Variants in LIPI observed in about 807,000 individuals in gnomAD.
LIPI encodes the protein lipase member I.
Under a neutral mutation model 50.6 loss-of-function variants are expected in LIPI, and 59 were observed. The ratio of observed to expected loss-of-function variants is 1.16; its 90% CI spans 0.94 to 1.45. The LOEUF (loss-of-function observed/expected upper bound fraction) is 1.45. Ranked by LOEUF, LIPI falls within the 40% of genes most tolerant of loss-of-function variation. The probability of loss-of-function intolerance (pLI) is 0.00; values close to 1 mark genes in which losing one functional copy is unlikely to be tolerated. For missense variants in LIPI, 586 were observed against 536.3 expected (o/e 1.09, Z -0.92); for synonymous variants, 203 against 178.2 (o/e 1.14, Z -1.11).
At chr21:14,196,302 G>C (rs373568846) in intron 1 of LIPI, among the ~76,000 whole-genome samples, 1 of 151,956 alleles carries the variant, frequency 6.6e-6, no homozygotes, top group East Asian at 1.9e-4. Flanking sequence ...CTGAGCAAAA[G>C]ACTCCAGAAA....
intron 5 of LIPI, 46 bp downstream of exon 5, chr21:14,166,316 T>A (rs760768701): frequency 1.9e-6 from 2 of 1,053,012 alleles, no homozygotes; most frequent in East Asian, 4.7e-5. Flanking sequence ...TTTTCTTTCA[T>A]CATTTCGAAT....
intron 9 of LIPI, among the ~76,000 whole-genome samples, chr21:14,125,847 G>A (rs529876389): frequency 7.9e-5 from 12 of 152,160 alleles, no homozygotes; most frequent in South Asian, 6.2e-4. Context: ...GAGCCACCGC[G>A]CCAGGCCAAG....
At chr21:14,200,177 C>T (rs904542426) in intron 1 of LIPI, among the ~76,000 whole-genome samples, 1 of 152,034 alleles carries the variant, frequency 6.6e-6, no homozygotes, top group African/African-American at 2.4e-5. Flanking sequence ...AAAGCATTCC[C>T]CTTGAAAACC....
intron 9 of LIPI, among the ~76,000 whole-genome samples, chr21:14,122,677 T>C (rs909750222): frequency 1.3e-5 from 2 of 151,898 alleles, no homozygotes; most frequent in African/African-American, 2.4e-5. Flanking sequence ...ACAGGGGGAG[T>C]AGCTCTGCTT....
rs557680175 is a variant in LIPI at position 14,118,215 on chromosome 21, T to C, written c.1296-9135A>G. Among the ~76,000 whole-genome samples the C allele has an allele frequency of 1.2e-4, 19 of 152,224 alleles. 2 individuals are homozygous for C. The highest frequency in any genetic ancestry group is 1.2e-3 in the South Asian group (6 of 4,820). On this transcript the variant is annotated intron_variant, in intron 9 of 9. Transcript: ENST00000681601. ...AGAAGCCAATGACTACCTTGAAGACTGAGACAGATCGGGCTCCATCTCATT... is the reference window on the plus strand; with the variant it reads ...AGAAGCCAATGACTACCTTGAAGACCGAGACAGATCGGGCTCCATCTCATT...
chr21:14,169,709 A>T (rs1347368479), intron 4 of LIPI, among the ~76,000 whole-genome samples: 1 of 152,132 alleles, frequency 6.6e-6, no homozygotes, highest in African/African-American at 2.4e-5. Context: ...GACACATTCA[A>T]AGCAGTGTGT....
chr21:14,210,938 G>C lies in LIPI; in HGVS notation c.-93C>G. The C allele has an allele frequency of 9.2e-7, 1 of 1,092,274 alleles. No homozygotes were observed. Among genetic ancestry groups the C allele is most frequent in the African/African-American group, 1.7e-5 (1 of 59,302 alleles). The allele number at this position is 1,092,274 out of a possible 1,614,324, so 67.7% of individuals were successfully genotyped here. A position where few individuals can be genotyped will look rare whatever the true frequency, so the allele number is the denominator to read the frequency against. ...TTTCTCTTTGGTAGGATCATCACAG[G>C]CTGGCAGGTTCTTCTGTAAAAGTTC... On this transcript the variant is annotated 5_prime_UTR_variant, in exon 1 of 10. Transcript: ENST00000681601.
At chr21:14,172,235 G>A (rs1476999493) in intron 4 of LIPI, among the ~76,000 whole-genome samples, 3 of 150,928 alleles carry the variant, frequency 2.0e-5, no homozygotes, top group Admixed American at 2.0e-4. Context: ...TGGAGAGGAT[G>A]TGGAGAAATA....
chr21:14,176,239 A>G (rs2019092885), intron 4 of LIPI, among the ~76,000 whole-genome samples: 1 of 150,930 alleles, frequency 6.6e-6, no homozygotes, highest in Non-Finnish European at 1.5e-5. Context: ...ATTAATTTTT[A>G]TCTTTTCTAA....
chr21:14,135,594 C>T (rs545221112), intron 9 of LIPI, among the ~76,000 whole-genome samples: 6 of 152,262 alleles, frequency 3.9e-5, no homozygotes, highest in Non-Finnish European at 5.9e-5. Flanking sequence ...CACCAGCCCA[C>T]GGAGGGAGTA....
At chr21:14,120,599 G>A (rs1190026201) in intron 9 of LIPI, among the ~76,000 whole-genome samples, 5 of 152,110 alleles carry the variant, frequency 3.3e-5, no homozygotes, top group Non-Finnish European at 7.4e-5. Flanking sequence ...AAGTGAAAAG[G>A]GCTGCAATGA....
At chr21:14,146,770 C>CTT (rs1308738575) in intron 8 of LIPI, among the ~76,000 whole-genome samples, 4 of 64,880 alleles carry the variant, frequency 6.2e-5, no homozygotes, top group Non-Finnish European at 8.6e-5. Context: ...TTCCCAGTCT[C>CTT]TATTTTTTTT....
intron 3 of LIPI, among the ~76,000 whole-genome samples, chr21:14,185,448 T>C (rs1009712937): frequency 4.6e-5 from 7 of 152,230 alleles, no homozygotes; most frequent in African/African-American, 1.7e-4. Context: ...CATTTCCATT[T>C]GGGTAACTTA....
At position 14,110,636 on chromosome 21, in the gene LIPI, TC is replaced by T. The variant is rs1767125806; in HGVS notation, c.1296-1557del. Among the ~76,000 whole-genome samples, 5 of 151,892 alleles carry T rather than the reference TC, an allele frequency of 3.3e-5. No individual in the cohort carries two copies. In the South Asian group the frequency reaches 1.0e-3, roughly 32 times the overall value. On this transcript the variant is annotated intron_variant, in intron 9 of 9. Coordinates refer to ENST00000681601, the MANE Select transcript of LIPI (RefSeq NM_001302998.2). Reference sequence around the variant, plus strand: ...CCAACATCTCCTTAACACCTTCCCCTCCCAACTGCCCAGCCTCTGGTAACCA... The same window carrying T: ...CCAACATCTCCTTAACACCTTCCCCTCCAACTGCCCAGCCTCTGGTAACCA...
rs924681658 is a variant in LIPI at position 14,152,650 on chromosome 21, A to G, written c.1041T>C (p.Asp347=). 1 of 1,549,020 alleles carries G rather than the reference A, an allele frequency of 6.5e-7. No homozygotes were observed. The highest frequency in any genetic ancestry group is 8.9e-7 in the Non-Finnish European group (1 of 1,122,514). Residue 347 remains aspartate (D), a synonymous_variant, in exon 8 of 10, where the codon GAT becomes GAC. Coordinates refer to ENST00000681601, the MANE Select transcript of LIPI (RefSeq NM_001302998.2). ...AAAACGAGCCATCCATCATAGTTTT[A>G]TCTGGAACAATTATACTGAGAACAA... ...YYFVLSIIVP[D]KTMMDGSFSF...
At chr21:14,203,299 A>G (rs2020124356) in intron 1 of LIPI, among the ~76,000 whole-genome samples, 1 of 152,160 alleles carries the variant, frequency 6.6e-6, no homozygotes, top group Non-Finnish European at 1.5e-5. Context: ...ATCTAGAACT[A>G]GAAATACCAT....
At chr21:14,177,153 A>G (rs1279725740) in intron 4 of LIPI, among the ~76,000 whole-genome samples, 1 of 152,140 alleles carries the variant, frequency 6.6e-6, no homozygotes, top group Non-Finnish European at 1.5e-5. Context: ...GGTACATACA[A>G]ACTACAATTG....
chr21:14,171,233 A>ATGCCTACCCATG (rs1344711600), intron 4 of LIPI, among the ~76,000 whole-genome samples: 2 of 150,314 alleles, frequency 1.3e-5, no homozygotes, highest in African/African-American at 2.4e-5. Flanking sequence ...AACAAATGGA[A>ATGCCTACCCATG]GAACATTCCA....
intron 1 of LIPI, among the ~76,000 whole-genome samples, chr21:14,200,602 T>A (rs559463389): frequency 6.6e-6 from 1 of 151,958 alleles, no homozygotes; most frequent in South Asian, 2.1e-4. Context: ...CCCAGATAAA[T>A]CAGAGATGGC....
Sources: gnomAD v4.1 joint callset for allele counts (sites outside exome capture counted in the v4.1 genomes callset) on GRCh38, gnomAD v4.1.1 for gene constraint, MANE v1.5 for transcripts, NCBI Gene and HGNC (gene_info 2026-07-23, HGNC 2026-07-21) for gene names.